Variants in TGFBR2 observed in about 807,000 individuals in gnomAD.
TGFBR2 encodes the protein TGF-beta receptor type-2.
Under a neutral mutation model 49.0 loss-of-function variants are expected in TGFBR2, and 18 were observed. The observed-to-expected ratio is 0.37, with a 90% confidence interval of 0.25 to 0.54. The LOEUF (loss-of-function observed/expected upper bound fraction) is 0.54. Ranked by LOEUF, TGFBR2 falls within the 20% of genes least tolerant of loss-of-function variation. The pLI is 0.85. For synonymous variants in TGFBR2, 282 were observed against 275.9 expected (o/e 1.02, Z -0.22); for missense variants, 525 against 722.6 (o/e 0.73, Z 3.13).
At chr3:30,681,009 G>A (rs9881673) in intron 5 of TGFBR2, among the ~76,000 whole-genome samples, 3,182 of 152,126 alleles carry the variant, frequency 0.021, 106 homozygotes, top group African/African-American at 0.071. Context: ...AAACTGGCCT[G>A]CAAGCACACT....
At chr3:30,647,471 A>G (rs1316286005) in intron 2 of TGFBR2, among the ~76,000 whole-genome samples, 3 of 152,148 alleles carry the variant, frequency 2.0e-5, no homozygotes, top group Non-Finnish European at 2.9e-5. Flanking sequence ...ACAGGAGGCT[A>G]TTGTAAAAAT....
intron 1 of TGFBR2, among the ~76,000 whole-genome samples, chr3:30,610,128 G>A (rs1698002098): frequency 6.6e-6 from 1 of 152,130 alleles, no homozygotes; most frequent in Non-Finnish European, 1.5e-5. Context: ...TATTTATTGA[G>A]TATCTCTTGC....
At chr3:30,618,328 C>T (rs1379972551) in intron 1 of TGFBR2, among the ~76,000 whole-genome samples, 3 of 150,060 alleles carry the variant, frequency 2.0e-5, no homozygotes, top group Non-Finnish European at 4.4e-5. Flanking sequence ...CTCCTGGGTT[C>T]AAGCGATTCT....
At chr3:30,626,043 AGTTCTGACTCATT>A (rs1408858640) in intron 1 of TGFBR2, among the ~76,000 whole-genome samples, 3 of 152,230 alleles carry the variant, frequency 2.0e-5, no homozygotes, top group Non-Finnish European at 4.4e-5. Context: ...AGCACCTAGA[AGTTCTGACTCATT>A]GCCCTGGGGT....
chr3:30,607,022 C>T, intron 1 of TGFBR2, 45 bp downstream of exon 1: 1 of 1,504,426 alleles, frequency 6.6e-7, no homozygotes, highest in Non-Finnish European at 9.0e-7. Context: ...CGGGGGTCTT[C>T]CTGGGGTCCC....
chr3:30,669,006 A>T (rs1699290868), intron 3 of TGFBR2, among the ~76,000 whole-genome samples: 1 of 151,724 alleles, frequency 6.6e-6, no homozygotes, highest in Non-Finnish European at 1.5e-5. Context: ...GGCCAAGCGC[A>T]GTGGCTCACG....
chr3:30,622,944 C>G (rs1321463969), intron 1 of TGFBR2, among the ~76,000 whole-genome samples: 2 of 139,966 alleles, frequency 1.4e-5, no homozygotes, highest in African/African-American at 5.4e-5. Context: ...GAAACTAGTA[C>G]CAGGAAAACA....
intron 1 of TGFBR2, among the ~76,000 whole-genome samples, chr3:30,609,191 G>T (rs998641970): frequency 1.3e-5 from 2 of 152,152 alleles, no homozygotes; most frequent in African/African-American, 4.8e-5. Context: ...TTTTGAATTT[G>T]TATTCATTTG....
intron 1 of TGFBR2, among the ~76,000 whole-genome samples, chr3:30,629,842 G>T (rs995149231): frequency 6.6e-6 from 1 of 152,156 alleles, no homozygotes; most frequent in Non-Finnish European, 1.5e-5. Flanking sequence ...TTTTAGAAGC[G>T]GTTGTCAAGA....
At chr3:30,629,048 C>T (rs1384181576) in intron 1 of TGFBR2, among the ~76,000 whole-genome samples, 2 of 152,168 alleles carry the variant, frequency 1.3e-5, no homozygotes, top group Non-Finnish European at 2.9e-5. Context: ...CTTCTCCTTC[C>T]ATTTCCCTCT....
In TGFBR2 at chr3:30,691,949, A is replaced by C. The variant is rs963393357; in HGVS notation, c.*350A>C. 9.2e-6 allele frequency: 2 copies of C among 218,552 alleles called. No homozygotes were observed. Among genetic ancestry groups the C allele is most frequent in the South Asian group, 1.8e-4 (1 of 5,552 alleles). The allele number at this position is 218,552 out of a possible 1,614,324, so 13.5% of individuals were successfully genotyped here. A position where few individuals can be genotyped will look rare whatever the true frequency, so the allele number is the denominator to read the frequency against. On this transcript the variant is annotated 3_prime_UTR_variant, in exon 7 of 7. Coordinates refer to ENST00000295754, the MANE Select transcript of TGFBR2 (RefSeq NM_003242.6). ...TATATCTATATATGTCTATAGCTCT[A>C]TATATATAGCCATACCTTGAAAAGA...
At chr3:30,622,729 A>C (rs1023927402) in intron 1 of TGFBR2, among the ~76,000 whole-genome samples, 2 of 151,710 alleles carry the variant, frequency 1.3e-5, no homozygotes, top group African/African-American at 4.8e-5. Context: ...AAAATACAAA[A>C]ATTAGCTAGG....
chr3:30,650,265 T>G lies in TGFBR2; in HGVS notation c.264-5T>G, dbSNP rs1315800025. ...CCTCGCTTCCAATGAATCTCTTCAC[T>G]CTAGGAGAAAGAATGACGAGAACAT... On this transcript the variant is annotated splice_polypyrimidine_tract_variant and splice_region_variant and intron_variant, in intron 2 of 6. Transcript: ENST00000295754. The G allele has an allele frequency of 6.2e-7, 1 of 1,613,772 alleles. No individual in the cohort carries two copies. The highest frequency in any genetic ancestry group is 8.5e-7 in the Non-Finnish European group (1 of 1,179,772).
intron 1 of TGFBR2, among the ~76,000 whole-genome samples, chr3:30,609,454 T>C (rs1023753414): frequency 6.6e-6 from 1 of 152,208 alleles, no homozygotes; most frequent in African/African-American, 2.4e-5. Context: ...GTCTTCTGTT[T>C]AGTAGCTTCT....
At chr3:30,657,321 T>C (rs1437524105) in intron 3 of TGFBR2, among the ~76,000 whole-genome samples, 1 of 152,170 alleles carries the variant, frequency 6.6e-6, no homozygotes, top group East Asian at 1.9e-4. Flanking sequence ...AGCATGTCCT[T>C]GGCAAGAGGC....
chr3:30,627,253 T>C (rs572010705), intron 1 of TGFBR2, among the ~76,000 whole-genome samples: 18 of 152,110 alleles, frequency 1.2e-4, no homozygotes, highest in Non-Finnish European at 2.5e-4. Flanking sequence ...TTTTGGAAAA[T>C]GCCTTCTTTT....
At position 30,691,911 on chromosome 3, in the gene TGFBR2, A is replaced by T. The variant is rs576840706; in HGVS notation, c.*312A>T. ...ATATAAATATGAATAGCTATGTTTT[A>T]TATATATATATATATATCTATATAT... On this transcript the variant is annotated 3_prime_UTR_variant, in exon 7 of 7. Coordinates refer to ENST00000295754, the MANE Select transcript of TGFBR2 (RefSeq NM_003242.6). 67 of 82,292 alleles carry T rather than the reference A, an allele frequency of 8.1e-4. No homozygotes were observed. Among genetic ancestry groups the T allele is most frequent in the Middle Eastern group, 4.5e-3 (1 of 224 alleles). The allele number at this position is 82,292 out of a possible 1,614,324, so 5.1% of individuals were successfully genotyped here. A position where few individuals can be genotyped will look rare whatever the true frequency, so the allele number is the denominator to read the frequency against.
intron 3 of TGFBR2, among the ~76,000 whole-genome samples, chr3:30,659,736 T>C (rs1699080588): frequency 6.6e-6 from 1 of 151,658 alleles, no homozygotes; most frequent in African/African-American, 2.4e-5. Context: ...CTGCTGGTGC[T>C]GTAGCAAGGT....
intron 3 of TGFBR2, among the ~76,000 whole-genome samples, chr3:30,657,869 A>G (rs903382649): frequency 6.6e-6 from 1 of 152,158 alleles, no homozygotes; most frequent in African/African-American, 2.4e-5. Context: ...ACTGCATTGT[A>G]TTGTTATCTT....
Sources: gnomAD v4.1 joint callset for allele counts (sites outside exome capture counted in the v4.1 genomes callset) on GRCh38, gnomAD v4.1.1 for gene constraint, MANE v1.5 for transcripts, NCBI Gene and HGNC (gene_info 2026-07-23, HGNC 2026-07-21) for gene names.